The following DOCK11 variants were observed in gnomAD, a reference collection of about 807,000 sequenced individuals.
The protein encoded by DOCK11 is dedicator of cytokinesis 11.
A neutral mutation model predicts 169.1 loss-of-function variants in DOCK11; 70 were observed. That is an observed-to-expected ratio of 0.41 (90% CI 0.34 to 0.51). The LOEUF is 0.51. DOCK11 is among the 20% of genes least tolerant of loss of function. The pLI is 0.10. For missense variants in DOCK11, 1,166 were observed against 1,538.8 expected, an observed-to-expected ratio of 0.76 and a Z score of 4.05; for synonymous variants, 529 against 541.3, an observed-to-expected ratio of 0.98 and a Z score of 0.32.
chrX:118,596,840 G>A, intron 20 of DOCK11, among the ~76,000 whole-genome samples: 1 of 112,010 alleles, frequency 8.9e-6, no homozygotes, highest in East Asian at 2.8e-4. Context: ...TCTTCCTTCT[G>A]TAATCAGGAC....
At chrX:118,594,041 G>T (rs2014083347) in intron 20 of DOCK11, among the ~76,000 whole-genome samples, 1 of 111,632 alleles carries the variant, frequency 9.0e-6, no homozygotes, top group Non-Finnish European at 1.9e-5. Context: ...TGAGGAAGAG[G>T]GAAGTGAGCC....
At chrX:118,539,732 C>T (rs1409036621) in intron 1 of DOCK11, among the ~76,000 whole-genome samples, 1 of 110,289 alleles carries the variant, frequency 9.1e-6, no homozygotes, top group African/African-American at 3.3e-5. Context: ...ATATTCTTTC[C>T]ATATTAATTT....
chrX:118,627,808 G>C (rs1166186709), intron 33 of DOCK11, among the ~76,000 whole-genome samples: 1 of 111,989 alleles, frequency 8.9e-6, no homozygotes, highest in Non-Finnish European at 1.9e-5. Flanking sequence ...AGGATAATGA[G>C]AAAAATACTG....
rs773215622 is a variant in DOCK11 at position 118,605,136 on chromosome X, T to A, written c.2563-102T>A. Reference sequence around the variant, plus strand: ...CTCACTTTTAATTGAGCTTATATGCTAGTCAATGTATTTCTCACTACTTAA... The same window carrying A: ...CTCACTTTTAATTGAGCTTATATGCAAGTCAATGTATTTCTCACTACTTAA... On this transcript the variant is annotated intron_variant, in intron 23 of 52. Coordinates refer to ENST00000276202, the MANE Select transcript of DOCK11 (RefSeq NM_144658.4). 3 of 502,016 alleles carry A rather than the reference T, an allele frequency of 6.0e-6. No homozygotes were observed. The African/African-American group carries it at 7.2e-5, about 12-fold the overall frequency. 41.4% of individuals were successfully genotyped at this position (502,016 alleles called of 1,213,427 possible).
rs1481449155 is a variant in DOCK11 at position 118,530,525 on chromosome X, G to A, written c.103-12200G>A. The stretch of plus-strand genomic sequence containing the variant: ...TAAACGTTCCTTCCCAGCTCATCTT[G>A]GCCATTCCTCCCTGTTCTGTACACC... On this transcript the variant is annotated intron_variant, in intron 1 of 52. Coordinates refer to ENST00000276202, the MANE Select transcript of DOCK11 (RefSeq NM_144658.4). 3.2e-4 allele frequency among the ~76,000 whole-genome samples: 36 copies of A among 111,805 alleles called. No homozygotes were observed. In the Admixed American group the frequency reaches 3.4e-3, roughly 11 times the overall value.
Position 118,568,188 on chromosome X carries a change from G to A in DOCK11, c.1035+26G>A, listed in dbSNP as rs780723340. The A allele has an allele frequency of 1.4e-5, 13 of 925,401 alleles. No individual in the cohort carries two copies. The Admixed American group carries it at 3.9e-4, about 28-fold the overall frequency. The allele number at this position is 925,401 out of a possible 1,213,427, so 76.3% of individuals were successfully genotyped here. A position where few individuals can be genotyped will look rare whatever the true frequency, so the allele number is the denominator to read the frequency against. ...GTATTAATGATACATTTCTTTAATAGTCCTAGAATTATTGCTTATTCAGAT... is the reference window on the plus strand; with the variant it reads ...GTATTAATGATACATTTCTTTAATAATCCTAGAATTATTGCTTATTCAGAT... On this transcript the variant is annotated intron_variant, in intron 10 of 52. Transcript: ENST00000276202.
At chrX:118,657,862 ACACATTGGGTACTG>A in intron 44 of DOCK11, among the ~76,000 whole-genome samples, 1 of 110,123 alleles carries the variant, frequency 9.1e-6, no homozygotes, top group East Asian at 2.8e-4. Flanking sequence ...ATTAAAGACT[ACACATTGGGTACTG>A]CTCGGGTGAC....
intron 6 of DOCK11, among the ~76,000 whole-genome samples, chrX:118,550,211 G>A (rs774051820): frequency 8.1e-5 from 9 of 111,510 alleles, no homozygotes; most frequent in Non-Finnish European, 1.7e-4. Context: ...AGCCAATATG[G>A]GAGGATCACT....
At position 118,501,826 on chromosome X, in the gene DOCK11, T is replaced by C. The variant is rs2057578000; in HGVS notation, c.102+5753T>C. 3.6e-5 allele frequency among the ~76,000 whole-genome samples: 4 copies of C among 112,024 alleles called. No homozygotes were observed. The South Asian group carries it at 1.5e-3, about 42-fold the overall frequency. ...ACCAGGAGAGTGTGAGGGTGTTCAT[T>C]TCCCCTCTCCCATGCCAACGCTTGT... is the stretch of plus-strand genomic sequence containing the variant. On this transcript the variant is annotated intron_variant, in intron 1 of 52. Transcript: ENST00000276202.
chrX:118,538,368 CAG>C (rs993812709), intron 1 of DOCK11, among the ~76,000 whole-genome samples: 3 of 112,044 alleles, frequency 2.7e-5, no homozygotes, highest in African/African-American at 9.7e-5. Flanking sequence ...TGGTAACAAA[CAG>C]AATGCATATG....
At chrX:118,574,140 T>C in intron 12 of DOCK11, 122 bp downstream of exon 12, 1 of 762,404 alleles carries the variant, frequency 1.3e-6, no homozygotes, top group Non-Finnish European at 1.8e-6. Context: ...GGTCTGTCGA[T>C]AGAGATTTTT....
intron 7 of DOCK11, among the ~76,000 whole-genome samples, chrX:118,565,217 A>C (rs1324626216): frequency 9.0e-6 from 1 of 111,505 alleles, no homozygotes; most frequent in African/African-American, 3.3e-5. Flanking sequence ...CTAGGACTAC[A>C]GGTGTGGGCC....
intron 11 of DOCK11, among the ~76,000 whole-genome samples, chrX:118,572,683 T>A (rs1603077441): frequency 8.9e-6 from 1 of 112,101 alleles, no homozygotes; most frequent in Non-Finnish European, 1.9e-5. Flanking sequence ...TGAGAACTAT[T>A]AATAATTGAC....
chrX:118,630,493 G>A lies in DOCK11; in HGVS notation c.3886+3G>A. 8.8e-7 allele frequency: 1 copy of A among 1,134,670 alleles called. No homozygotes were observed. Among genetic ancestry groups the A allele is most frequent in the East Asian group, 3.0e-5 (1 of 33,495 alleles). 93.5% of individuals were successfully genotyped at this position (1,134,670 alleles called of 1,213,427 possible). On this transcript the variant is annotated splice_donor_region_variant and intron_variant, in intron 35 of 52. Transcript: ENST00000276202. ...TATAGTAAAAATGATTTCAGAAGGTGAGTTACCATCATATTAAGCATGGAC... is the reference window on the plus strand; with the variant it reads ...TATAGTAAAAATGATTTCAGAAGGTAAGTTACCATCATATTAAGCATGGAC...
chrX:118,616,226 G>A (rs1273207429), intron 30 of DOCK11: 6 of 964,479 alleles, frequency 6.2e-6, no homozygotes, highest in Non-Finnish European at 8.0e-6. Flanking sequence ...GCGGTGGACC[G>A]TTTGACTTCA....
At chrX:118,500,056 T>C (rs1193023159) in intron 1 of DOCK11, among the ~76,000 whole-genome samples, 3 of 110,103 alleles carry the variant, frequency 2.7e-5, no homozygotes, top group African/African-American at 9.9e-5. Context: ...TCATTGCTTT[T>C]TTTTTTTTTT....
chrX:118,514,925 G>T (rs933258140), intron 1 of DOCK11, among the ~76,000 whole-genome samples: 4 of 111,923 alleles, frequency 3.6e-5, no homozygotes, highest in African/African-American at 1.3e-4. Context: ...AAATTGGGTG[G>T]CCTAAAACAA....
At chrX:118,680,194 T>C (rs1480331237) in intron 48 of DOCK11, among the ~76,000 whole-genome samples, 1 of 110,560 alleles carries the variant, frequency 9.0e-6, no homozygotes, top group South Asian at 3.8e-4. Context: ...CTTAAAATGC[T>C]GGGATTACAG....
At position 118,639,425 on chromosome X, in the gene DOCK11, T is replaced by C; in HGVS notation, c.4002-10T>C. ...AGCACTCCAGTTCCTGACTTTAAAA[T>C]TTATTTTAGGGTGCATGATGCCTGG... On this transcript the variant is annotated splice_polypyrimidine_tract_variant and intron_variant, in intron 37 of 52. Coordinates refer to ENST00000276202, the MANE Select transcript of DOCK11 (RefSeq NM_144658.4). 1 of 1,206,682 alleles carries C rather than the reference T, an allele frequency of 8.3e-7. No individual in the cohort carries two copies. The highest frequency in any genetic ancestry group is 1.1e-6 in the Non-Finnish European group (1 of 892,595).
Sources: allele counts gnomAD v4.1 joint callset (sites outside exome capture counted in the v4.1 genomes callset), GRCh38; gene constraint gnomAD v4.1.1; transcripts MANE v1.5; gene names NCBI Gene and HGNC (gene_info 2026-07-23, HGNC 2026-07-21).